Variants in CCSER1 observed in about 807,000 individuals in gnomAD.
The protein encoded by CCSER1 is serine-rich coiled-coil domain-containing protein 1.
Under a neutral mutation model 82.0 loss-of-function variants are expected in CCSER1, and 41 were observed. That is an observed-to-expected ratio of 0.50 (90% CI 0.39 to 0.65). The LOEUF is 0.65. Ranked by LOEUF, CCSER1 falls within the 30% of genes least tolerant of loss-of-function variation. The pLI is 0.00. For missense variants in CCSER1, 1,119 were observed against 1,064.2 expected (o/e 1.05, Z -0.72); for synonymous variants, 414 against 383.9 (o/e 1.08, Z -0.92).
intron 8 of CCSER1, among the ~76,000 whole-genome samples, chr4:90,817,237 A>C (rs1297041105): frequency 6.6e-6 from 1 of 152,130 alleles, no homozygotes; most frequent in Non-Finnish European, 1.5e-5. Context: ...CATAATGGTT[A>C]AAATAATCAA....
At chr4:91,102,761 T>C (rs1332049835) in intron 10 of CCSER1, among the ~76,000 whole-genome samples, 1 of 152,244 alleles carries the variant, frequency 6.6e-6, no homozygotes, top group African/African-American at 2.4e-5. Flanking sequence ...TCTTTAACTA[T>C]GTCAATTAAT....
intron 5 of CCSER1, among the ~76,000 whole-genome samples, chr4:90,617,811 C>T (rs960431625): frequency 6.6e-6 from 1 of 152,052 alleles, no homozygotes; most frequent in Non-Finnish European, 1.5e-5. Context: ...TGAGGTCTAG[C>T]CTGAGATTTT....
At position 91,353,119 on chromosome 4, in the gene CCSER1, G is replaced by A. The variant is rs1162229668; in HGVS notation, c.2218-245453G>A. 3.3e-5 allele frequency among the ~76,000 whole-genome samples: 5 copies of A among 152,310 alleles called. No individual in the cohort carries two copies. The East Asian group carries it at 5.8e-4, about 18-fold the overall frequency. On this transcript the variant is annotated intron_variant, in intron 10 of 10. Coordinates refer to ENST00000509176, the MANE Select transcript of CCSER1 (RefSeq NM_001145065.2). ...ATGCAAAGGACAATTTCAACATCTT[G>A]TAGCAGGATAAGCTGCAGACAAAAC... is the stretch of plus-strand genomic sequence containing the variant.
chr4:90,198,201 T>C (rs1310902047), intron 1 of CCSER1, among the ~76,000 whole-genome samples: 1 of 152,154 alleles, frequency 6.6e-6, no homozygotes, highest in Non-Finnish European at 1.5e-5. Flanking sequence ...TCCTTCTTCC[T>C]TCCCCTGAAG....
chr4:91,105,748 G>C (rs927913509), intron 10 of CCSER1, among the ~76,000 whole-genome samples: 6 of 151,996 alleles, frequency 3.9e-5, no homozygotes, highest in African/African-American at 1.4e-4. Flanking sequence ...AATAACCCTT[G>C]TAAACAGTTC....
chr4:90,511,412 A>G (rs1330420925), intron 5 of CCSER1, among the ~76,000 whole-genome samples: 1 of 152,188 alleles, frequency 6.6e-6, no homozygotes, highest in Non-Finnish European at 1.5e-5. Flanking sequence ...GCAAGACTCC[A>G]TCTCAAAAAA....
intron 1 of CCSER1, among the ~76,000 whole-genome samples, chr4:90,180,035 G>T (rs1318783576): frequency 1.3e-5 from 2 of 151,474 alleles, no homozygotes; most frequent in African/African-American, 2.4e-5. Flanking sequence ...ATTTTCTTAT[G>T]GCTATAAACC....
chr4:91,324,537 TGTA>T (rs1246164164), intron 10 of CCSER1, among the ~76,000 whole-genome samples: 1 of 152,180 alleles, frequency 6.6e-6, no homozygotes, highest in African/African-American at 2.4e-5. Flanking sequence ...AGAACAATAT[TGTA>T]TTATTTAAGA....
At chr4:91,182,332 A>T (rs1734120498) in intron 10 of CCSER1, among the ~76,000 whole-genome samples, 1 of 152,132 alleles carries the variant, frequency 6.6e-6, no homozygotes, top group African/African-American at 2.4e-5. Context: ...TATTTCCCAA[A>T]TTTTGTTAAC....
intron 8 of CCSER1, among the ~76,000 whole-genome samples, chr4:90,884,839 T>A (rs1721880308): frequency 6.6e-6 from 1 of 152,100 alleles, no homozygotes; most frequent in Non-Finnish European, 1.5e-5. Flanking sequence ...TAGGAAAGAT[T>A]TCAGCATTTT....
intron 5 of CCSER1, among the ~76,000 whole-genome samples, chr4:90,564,560 G>A (rs190733537): frequency 1.5e-3 from 223 of 151,972 alleles, no homozygotes; most frequent in Non-Finnish European, 2.7e-3. Flanking sequence ...TGCTTTAATT[G>A]CCTGTGCTTT....
chr4:90,364,560 T>C (rs1452500045), intron 3 of CCSER1, among the ~76,000 whole-genome samples: 1 of 152,070 alleles, frequency 6.6e-6, no homozygotes, highest in Non-Finnish European at 1.5e-5. Flanking sequence ...TTAAACATTG[T>C]ATAGAGTTTA....
At chr4:90,777,354 CAAA>C (rs60638334) in intron 7 of CCSER1, among the ~76,000 whole-genome samples, 10 of 58,530 alleles carry the variant, frequency 1.7e-4, no homozygotes, top group Middle Eastern at 0.011. Flanking sequence ...GACTCCATCT[CAAA>C]AAAAAAAAAA....
intron 4 of CCSER1, among the ~76,000 whole-genome samples, chr4:90,444,171 G>A (rs1222882385): frequency 6.6e-6 from 1 of 151,922 alleles, no homozygotes; most frequent in Non-Finnish European, 1.5e-5. Context: ...TTCAGAAGTG[G>A]TATGGAATTA....
At chr4:90,437,172 G>A (rs968740754) in intron 4 of CCSER1, among the ~76,000 whole-genome samples, 1 of 152,094 alleles carries the variant, frequency 6.6e-6, no homozygotes. Context: ...AACAGGAAGA[G>A]AAACAAGTAC....
At chr4:91,467,267 A>G (rs1337446474) in intron 10 of CCSER1, among the ~76,000 whole-genome samples, 2 of 152,270 alleles carry the variant, frequency 1.3e-5, no homozygotes, top group Non-Finnish European at 2.9e-5. Context: ...TCCCTATTTA[A>G]TAAATGGTAC....
In CCSER1 at chr4:90,974,581, A is replaced by G. The variant is rs147066717; in HGVS notation, c.2172+51134A>G. Among the ~76,000 whole-genome samples, 146 of 151,522 alleles carry G rather than the reference A, an allele frequency of 9.6e-4. 3 individuals are homozygous for G. In the East Asian group the frequency reaches 0.022, roughly 23 times the overall value. ...CATAAAACATATTTTTCTCTAAATAAGATACACAAATTGCCGATAAATGCA... is the reference window on the plus strand; with the variant it reads ...CATAAAACATATTTTTCTCTAAATAGGATACACAAATTGCCGATAAATGCA... On this transcript the variant is annotated intron_variant, in intron 9 of 10. Coordinates refer to ENST00000509176, the MANE Select transcript of CCSER1 (RefSeq NM_001145065.2).
intron 4 of CCSER1, among the ~76,000 whole-genome samples, chr4:90,407,110 C>T (rs911439232): frequency 6.6e-6 from 1 of 151,930 alleles, no homozygotes; most frequent in African/African-American, 2.4e-5. Context: ...ATTGATAGAC[C>T]ATTAGCGAGA....
intron 10 of CCSER1, among the ~76,000 whole-genome samples, chr4:91,301,500 G>A (rs1163669922): frequency 1.3e-5 from 2 of 150,582 alleles, no homozygotes; most frequent in Admixed American, 1.3e-4. Context: ...TTTAGGTGGA[G>A]TCATTATTTG....
Sources: gnomAD v4.1 joint callset for allele counts (sites outside exome capture counted in the v4.1 genomes callset) on GRCh38, gnomAD v4.1.1 for gene constraint, MANE v1.5 for transcripts, NCBI Gene and HGNC (gene_info 2026-07-23, HGNC 2026-07-21) for gene names.